Variants in NEXMIF observed in about 807,000 individuals in gnomAD.
NEXMIF encodes the protein XLMR protein related to neurite extension.
Under a neutral mutation model 62.1 loss-of-function variants are expected in NEXMIF, and 8 were observed. That is an observed-to-expected ratio of 0.13 (90% CI 0.08 to 0.23). The LOEUF is 0.23. Among genes scored for constraint, NEXMIF ranks in the 10% least tolerant of loss-of-function variants. The pLI is 1.00. For synonymous variants in NEXMIF, 404 were observed against 416.6 expected (o/e 0.97, Z 0.37); for missense variants, 976 against 1,113.3 (o/e 0.88, Z 1.75).
chrX:74,796,802 G>GT (rs1403399755), intron 1 of NEXMIF, among the ~76,000 whole-genome samples: 1 of 111,434 alleles, frequency 9.0e-6, no homozygotes, highest in African/African-American at 3.3e-5. Context: ...AAGACATATC[G>GT]TCCTAACAGA....
At chrX:74,766,393 T>A (rs1306880511) in intron 1 of NEXMIF, among the ~76,000 whole-genome samples, 7 of 112,364 alleles carry the variant, frequency 6.2e-5, no homozygotes, top group Admixed American at 5.7e-4. Context: ...CTTTGCCCTC[T>A]TTACATAACC....
chrX:74,882,352 G>C (rs925395414), intron 1 of NEXMIF, among the ~76,000 whole-genome samples: 1 of 112,013 alleles, frequency 8.9e-6, no homozygotes, highest in South Asian at 3.7e-4. Flanking sequence ...TCAAGGCTTC[G>C]CCTCACCCGG....
chrX:74,890,465 T>G (rs765909255), intron 1 of NEXMIF, among the ~76,000 whole-genome samples: 1 of 110,854 alleles, frequency 9.0e-6, no homozygotes, highest in Non-Finnish European at 1.9e-5. Flanking sequence ...ACAGGCACTC[T>G]AAAGAGTCCT....
intron 1 of NEXMIF, among the ~76,000 whole-genome samples, chrX:74,887,860 G>A (rs1467156969): frequency 7.8e-4 from 87 of 111,668 alleles, no homozygotes; most frequent in African/African-American, 2.7e-3. Context: ...TGTTTATTGC[G>A]GCACTATTCA....
intron 1 of NEXMIF, among the ~76,000 whole-genome samples, chrX:74,829,007 A>C (rs2080427431): frequency 8.9e-6 from 1 of 111,951 alleles, no homozygotes. Context: ...AGGTCTAAGC[A>C]GGACAAATTA....
intron 1 of NEXMIF, among the ~76,000 whole-genome samples, chrX:74,791,267 G>T (rs1158278652): frequency 8.9e-6 from 1 of 111,746 alleles, no homozygotes; most frequent in Non-Finnish European, 1.9e-5. Context: ...CTGTTTATGT[G>T]CTGGATTACA....
intron 1 of NEXMIF, among the ~76,000 whole-genome samples, chrX:74,880,414 G>C (rs1228796045): frequency 9.0e-6 from 1 of 111,462 alleles, no homozygotes; most frequent in African/African-American, 3.3e-5. Flanking sequence ...AGGAAACTGG[G>C]GCCAGTTTTC....
rs1227653625 is a variant in NEXMIF, at chrX:74,787,375, A to G, written c.-47-41678T>C. On this transcript the variant is annotated intron_variant, in intron 1 of 3. Coordinates refer to ENST00000055682, the MANE Select transcript of NEXMIF (RefSeq NM_001008537.3). ...AATACCTTCTTTGGCTACTGTTAAGATGCACTCTCCGTGACCAGTAATAAT... is the reference window on the plus strand; with the variant it reads ...AATACCTTCTTTGGCTACTGTTAAGGTGCACTCTCCGTGACCAGTAATAAT... Among the ~76,000 whole-genome samples, 17 of 111,380 alleles carry G rather than the reference A, an allele frequency of 1.5e-4. No individual in the cohort carries two copies. In the Admixed American group the frequency reaches 1.6e-3, roughly 11 times the overall value.
intron 1 of NEXMIF, among the ~76,000 whole-genome samples, chrX:74,811,105 G>C (rs528304658): frequency 6.2e-5 from 7 of 112,053 alleles, no homozygotes; most frequent in African/African-American, 1.9e-4. Context: ...ACATAGCTAA[G>C]AGCCCATAGT....
chrX:74,850,696 C>G (rs2080509945), intron 1 of NEXMIF, among the ~76,000 whole-genome samples: 1 of 111,254 alleles, frequency 9.0e-6, no homozygotes, highest in East Asian at 2.8e-4. Flanking sequence ...CCAGCCAACA[C>G]AACAGATACA....
At chrX:74,780,532 C>G (rs180756591) in intron 1 of NEXMIF, among the ~76,000 whole-genome samples, 3 of 107,714 alleles carry the variant, frequency 2.8e-5, no homozygotes, top group African/African-American at 1.0e-4. Context: ...CCATGCCTGG[C>G]TAATTTTTTT....
intron 1 of NEXMIF, among the ~76,000 whole-genome samples, chrX:74,907,053 C>A (rs988628333): frequency 9.0e-6 from 1 of 111,677 alleles, no homozygotes; most frequent in Non-Finnish European, 1.9e-5. Context: ...CACTTTGACC[C>A]CCTGCCACAC....
chrX:74,751,574 G>T (rs865895307), intron 1 of NEXMIF, among the ~76,000 whole-genome samples: 1 of 103,694 alleles, frequency 9.6e-6, no homozygotes, highest in Non-Finnish European at 2.0e-5. Flanking sequence ...TGCAACCTCC[G>T]CCTGCCACTC....
At chrX:74,794,925 A>G (rs970979542) in intron 1 of NEXMIF, among the ~76,000 whole-genome samples, 2 of 111,585 alleles carry the variant, frequency 1.8e-5, no homozygotes, top group African/African-American at 6.5e-5. Flanking sequence ...AAATGCAGAA[A>G]TCACCGTCTT....
intron 1 of NEXMIF, among the ~76,000 whole-genome samples, chrX:74,748,917 C>A: frequency 9.0e-6 from 1 of 111,590 alleles, no homozygotes; most frequent in Non-Finnish European, 1.9e-5. Flanking sequence ...GGCAATATAG[C>A]CTTTGGAGTT....
intron 1 of NEXMIF, among the ~76,000 whole-genome samples, chrX:74,875,163 G>T (rs1458623622): frequency 1.8e-5 from 2 of 110,692 alleles, no homozygotes; most frequent in African/African-American, 6.6e-5. Context: ...TTTGAAACAT[G>T]TCCCATCAAT....
At chrX:74,851,009 AAG>A (rs1476796405) in intron 1 of NEXMIF, among the ~76,000 whole-genome samples, 1 of 110,281 alleles carries the variant, frequency 9.1e-6, no homozygotes, top group African/African-American at 3.3e-5. Context: ...AAATTTATCA[AAG>A]AGATATTATT....
At chrX:74,796,203 T>C (rs867578220) in intron 1 of NEXMIF, among the ~76,000 whole-genome samples, 7 of 23,314 alleles carry the variant, frequency 3.0e-4, no homozygotes, top group Non-Finnish European at 1.2e-3. Flanking sequence ...TATATATACA[T>C]ATATATTATA....
chrX:74,772,204 C>T (rs779935213), intron 1 of NEXMIF, among the ~76,000 whole-genome samples: 11 of 112,076 alleles, frequency 9.8e-5, no homozygotes, highest in Admixed American at 1.9e-4. Context: ...GAGACAGAGC[C>T]GTGGAACATT....
Sources: allele counts gnomAD v4.1 joint callset (sites outside exome capture counted in the v4.1 genomes callset), GRCh38; gene constraint gnomAD v4.1.1; transcripts MANE v1.5; gene names NCBI Gene and HGNC (gene_info 2026-07-23, HGNC 2026-07-21).